Variants in DGKB observed in about 807,000 individuals in gnomAD.
DGKB encodes diacylglycerol kinase beta, also known as 90 kDa diacylglycerol kinase.
Under a neutral mutation model 114.3 loss-of-function variants are expected in DGKB, and 67 were observed. That is an observed-to-expected ratio of 0.59 (90% CI 0.48 to 0.72). The LOEUF is 0.72. Among genes scored for constraint, DGKB ranks in the 30% least tolerant of loss-of-function variants. DGKB has a pLI of 0.00. For missense variants in DGKB, 907 were observed against 975.2 expected, an observed-to-expected ratio of 0.93 and a Z score of 0.93; for synonymous variants, 398 against 323.1, an observed-to-expected ratio of 1.23 and a Z score of -2.49.
At chr7:14,590,681 C>T (rs984715710) in intron 17 of DGKB, among the ~76,000 whole-genome samples, 1 of 151,998 alleles carries the variant, frequency 6.6e-6, no homozygotes, top group Admixed American at 6.6e-5. Context: ...TCATTAATAT[C>T]CTTGGGATTT....
intron 20 of DGKB, among the ~76,000 whole-genome samples, chr7:14,549,043 C>A (rs1794729376): frequency 6.6e-6 from 1 of 151,482 alleles, no homozygotes; most frequent in South Asian, 2.1e-4. Flanking sequence ...GAAAAACAAT[C>A]CTGGTGATCA....
intron 21 of DGKB, among the ~76,000 whole-genome samples, chr7:14,457,296 A>G (rs1832419971): frequency 1.3e-5 from 2 of 152,178 alleles, no homozygotes; most frequent in African/African-American, 4.8e-5. Flanking sequence ...TTTCTGTACA[A>G]TAAAGAGCTG....
chr7:14,574,513 GAATT>G, intron 19 of DGKB, 141 bp from the exon 20 acceptor site: 1 of 673,904 alleles, frequency 1.5e-6, no homozygotes, highest in Non-Finnish European at 2.4e-6. Context: ...ACCAAATGAA[GAATT>G]AATTATAAGA....
intron 23 of DGKB, among the ~76,000 whole-genome samples, chr7:14,292,027 G>C (rs547033690): frequency 6.6e-6 from 1 of 152,176 alleles, no homozygotes; most frequent in African/African-American, 2.4e-5. Flanking sequence ...AAGGACACAT[G>C]CTTCCTTTTA....
intron 23 of DGKB, 86 bp from the exon 24 acceptor site, chr7:14,178,237 A>C: frequency 2.9e-6 from 4 of 1,377,530 alleles, no homozygotes; most frequent in Non-Finnish European, 3.9e-6. Context: ...GAGATTAAAA[A>C]AAATAACAGC....
rs150722661 is a variant in DGKB, at chr7:14,658,943, C to T, written c.1134+13986G>A. 7.4e-3 allele frequency among the ~76,000 whole-genome samples: 1,123 copies of T among 151,874 alleles called. 13 individuals carry two copies. Among genetic ancestry groups the T allele is most frequent in the African/African-American group, 0.026 (1,061 of 41,424 alleles). On this transcript the variant is annotated intron_variant, in intron 13 of 25. Transcript: ENST00000402815. The stretch of plus-strand genomic sequence containing the variant: ...TTACTTTAAAGTTCTGGGATACATG[C>T]GCAGAATGTGCAGGTTTGTTCCACA...
rs111930084 is a variant in DGKB, at chr7:14,729,183, C to G, written c.322+6858G>C. ...TGTTGCCCAGGCTGGAGTGCAGTGGCGCCATCTCGGCTCACTGCAAGCTCC... is the reference window on the plus strand; with the variant it reads ...TGTTGCCCAGGCTGGAGTGCAGTGGGGCCATCTCGGCTCACTGCAAGCTCC... On this transcript the variant is annotated intron_variant, in intron 5 of 25. Coordinates refer to ENST00000402815, the MANE Select transcript of DGKB (RefSeq NM_001350709.2). Among the ~76,000 whole-genome samples, 6 of 138,700 alleles carry G rather than the reference C, an allele frequency of 4.3e-5. No individual in the cohort carries two copies. In the South Asian group the frequency reaches 1.4e-3, roughly 31 times the overall value. The allele number at this position is 138,700 out of a possible 152,430, so 91.0% of individuals were successfully genotyped here.
chr7:14,900,919 G>C (rs916688960), intron 1 of DGKB, among the ~76,000 whole-genome samples: 23 of 152,238 alleles, frequency 1.5e-4, no homozygotes, highest in African/African-American at 5.3e-4. Flanking sequence ...TTAGGGAACT[G>C]CTTGCAAATT....
chr7:14,156,865 A>G (rs1329080447), intron 25 of DGKB, among the ~76,000 whole-genome samples: 2 of 152,196 alleles, frequency 1.3e-5, no homozygotes, highest in Non-Finnish European at 2.9e-5. Context: ...TAGAATGTAT[A>G]CTAACATTCC....
In DGKB at chr7:14,315,528, C is replaced by G. The variant is rs1159883680; in HGVS notation, c.2122+22987G>C. 3.9e-3 allele frequency among the ~76,000 whole-genome samples: 587 copies of G among 150,872 alleles called. 5 individuals are homozygous for G. The highest frequency in any genetic ancestry group is 0.014 in the African/African-American group (555 of 40,382). On this transcript the variant is annotated intron_variant, in intron 23 of 25. Coordinates refer to ENST00000402815, the MANE Select transcript of DGKB (RefSeq NM_001350709.2). ...CTTGAAACCAACAAAGATCAAAAGA[C>G]ACAAAGAAGGCCATTACATAATGGT...
intron 21 of DGKB, among the ~76,000 whole-genome samples, chr7:14,442,907 TC>T (rs1336053665): frequency 6.6e-6 from 1 of 152,132 alleles, no homozygotes; most frequent in Non-Finnish European, 1.5e-5. Flanking sequence ...TAAGTAAACA[TC>T]TTTTTACATA....
chr7:14,702,655 C>T (rs578042078), intron 6 of DGKB, among the ~76,000 whole-genome samples: 5 of 152,060 alleles, frequency 3.3e-5, no homozygotes, highest in East Asian at 1.9e-4. Flanking sequence ...AATGGAAGTA[C>T]GGGTTTGTCT....
At chr7:14,920,071 A>G (rs1435752464) in intron 1 of DGKB, among the ~76,000 whole-genome samples, 1 of 152,200 alleles carries the variant, frequency 6.6e-6, no homozygotes, top group Non-Finnish European at 1.5e-5. Context: ...AGAGGATGAC[A>G]TAGAAAATCT....
chr7:14,657,517 C>T (rs1012016384), intron 13 of DGKB, among the ~76,000 whole-genome samples: 4 of 151,872 alleles, frequency 2.6e-5, no homozygotes, highest in South Asian at 4.2e-4. Flanking sequence ...CAAAAAAGAA[C>T]GTTGCATAGG....
At chr7:14,671,593 A>C (rs1321323128) in intron 13 of DGKB, among the ~76,000 whole-genome samples, 1 of 152,134 alleles carries the variant, frequency 6.6e-6, no homozygotes, top group Non-Finnish European at 1.5e-5. Context: ...AATACACCTT[A>C]TGTTTGAATT....
chr7:14,352,959 AT>A (rs879389505), intron 21 of DGKB, among the ~76,000 whole-genome samples: 7 of 151,304 alleles, frequency 4.6e-5, no homozygotes, highest in African/African-American at 9.6e-5. Context: ...AATAAAAAAA[AT>A]AAATGTTTCA....
chr7:14,787,299 C>T (rs1340579010), intron 2 of DGKB, among the ~76,000 whole-genome samples: 2 of 152,146 alleles, frequency 1.3e-5, no homozygotes, highest in Non-Finnish European at 2.9e-5. Flanking sequence ...ATTTCACAAG[C>T]AATGCAATTA....
intron 4 of DGKB, among the ~76,000 whole-genome samples, chr7:14,742,257 A>C (rs1028931174): frequency 1.3e-5 from 2 of 152,208 alleles, no homozygotes; most frequent in African/African-American, 2.4e-5. Flanking sequence ...CCAATTATCC[A>C]ATTAGGAGAT....
intron 23 of DGKB, among the ~76,000 whole-genome samples, chr7:14,327,870 A>G (rs1809026379): frequency 6.6e-6 from 1 of 152,154 alleles, no homozygotes; most frequent in South Asian, 2.1e-4. Context: ...TTGCTCAATT[A>G]CTTACTAGAG....
Sources: allele counts gnomAD v4.1 joint callset (sites outside exome capture counted in the v4.1 genomes callset), GRCh38; gene constraint gnomAD v4.1.1; transcripts MANE v1.5; gene names NCBI Gene and HGNC (gene_info 2026-07-23, HGNC 2026-07-21).